The following PTPRD variants were observed in gnomAD, a reference collection of about 807,000 sequenced individuals.
PTPRD encodes receptor-type tyrosine-protein phosphatase delta.
Under a neutral mutation model 214.5 loss-of-function variants are expected in PTPRD, and 34 were observed. The observed-to-expected ratio is 0.16, with a 90% CI of 0.12 to 0.21. PTPRD has a LOEUF of 0.21. Ranked by LOEUF, PTPRD falls within the 10% of genes least tolerant of loss-of-function variation. The pLI is 1.00. For missense variants in PTPRD, 2,545 were observed against 2,398.7 expected, an observed-to-expected ratio of 1.06 and a Z score of -1.27; for synonymous variants, 1,128 against 845.7, an observed-to-expected ratio of 1.33 and a Z score of -5.79.
At chr9:9,001,297 A>C (rs2099417293) in intron 11 of PTPRD, among the ~76,000 whole-genome samples, 1 of 152,026 alleles carries the variant, frequency 6.6e-6, no homozygotes, top group Admixed American at 6.6e-5. Flanking sequence ...GGAGCCTTTG[A>C]GCTATCTGTG....
At chr9:8,842,285 C>T (rs908779653) in intron 11 of PTPRD, among the ~76,000 whole-genome samples, 7 of 151,980 alleles carry the variant, frequency 4.6e-5, no homozygotes, top group East Asian at 1.9e-4. Context: ...GGAGAAAGGG[C>T]GACTATGTTT....
intron 11 of PTPRD, among the ~76,000 whole-genome samples, chr9:8,999,872 G>A (rs566239163): frequency 1.3e-5 from 2 of 152,110 alleles, no homozygotes; most frequent in East Asian, 3.9e-4. Context: ...GGGATGGGGT[G>A]TTGACAGATA....
intron 7 of PTPRD, among the ~76,000 whole-genome samples, chr9:9,716,169 C>T (rs1352449348): frequency 6.6e-6 from 1 of 152,194 alleles, no homozygotes; most frequent in Non-Finnish European, 1.5e-5. Flanking sequence ...CAAGTCCCTA[C>T]AAAGGACATG....
intron 9 of PTPRD, among the ~76,000 whole-genome samples, chr9:9,318,017 C>A (rs1220911817): frequency 3.3e-5 from 5 of 151,704 alleles, no homozygotes; most frequent in African/African-American, 4.8e-5. Flanking sequence ...ACTAAAAATA[C>A]AAAATTAGCC....
chr9:9,768,266 G>T (rs960691962), intron 5 of PTPRD, among the ~76,000 whole-genome samples: 1 of 152,122 alleles, frequency 6.6e-6, no homozygotes, highest in Admixed American at 6.5e-5. Flanking sequence ...TGAAGCAGTT[G>T]TAAAGATTAA....
At chr9:9,665,229 C>A (rs2096697679) in intron 7 of PTPRD, among the ~76,000 whole-genome samples, 1 of 151,494 alleles carries the variant, frequency 6.6e-6, no homozygotes. Context: ...CGAATAAAAC[C>A]TTAGAATGGT....
intron 2 of PTPRD, among the ~76,000 whole-genome samples, chr9:10,517,433 C>T (rs1190148628): frequency 6.6e-6 from 1 of 151,914 alleles, no homozygotes; most frequent in Non-Finnish European, 1.5e-5. Flanking sequence ...TAAAATTTTA[C>T]TCAATTTGTT....
chr9:10,523,711 G>A (rs938810728), intron 2 of PTPRD, among the ~76,000 whole-genome samples: 50 of 147,964 alleles, frequency 3.4e-4, no homozygotes, highest in Admixed American at 4.1e-4. Flanking sequence ...GTTTACAGGT[G>A]AAATTTTACA....
intron 2 of PTPRD, among the ~76,000 whole-genome samples, chr9:10,595,435 C>G (rs1040454313): frequency 6.6e-5 from 10 of 151,500 alleles, no homozygotes; most frequent in Admixed American, 2.0e-4. Flanking sequence ...CTTCTTGGCT[C>G]TAAATTTCTG....
chr9:9,548,797 C>T (rs906215051), intron 8 of PTPRD, among the ~76,000 whole-genome samples: 3 of 151,930 alleles, frequency 2.0e-5, no homozygotes, highest in Non-Finnish European at 4.4e-5. Context: ...ATGAAATGGT[C>T]AATTCGGCAA....
At chr9:9,600,728 T>C (rs1342124420) in intron 7 of PTPRD, among the ~76,000 whole-genome samples, 2 of 152,112 alleles carry the variant, frequency 1.3e-5, no homozygotes, top group Non-Finnish European at 2.9e-5. Context: ...TGAATAACAA[T>C]TATAACAGAA....
At chr9:9,809,313 A>T (rs1746801) in intron 5 of PTPRD, among the ~76,000 whole-genome samples, 82,706 of 146,666 alleles carry the variant, frequency 0.56, 26,147 homozygotes, top group East Asian at 0.88. Context: ...TGTCTCCCAA[A>T]CTGGAGTGCA....
At chr9:10,249,370 C>A (rs1394289412) in intron 3 of PTPRD, among the ~76,000 whole-genome samples, 2 of 152,056 alleles carry the variant, frequency 1.3e-5, no homozygotes, top group Non-Finnish European at 2.9e-5. Flanking sequence ...TAGTTCTCAG[C>A]GTCTCTTCTT....
chr9:8,385,249 G>C (rs1306464209), intron 37 of PTPRD, among the ~76,000 whole-genome samples: 2 of 152,156 alleles, frequency 1.3e-5, no homozygotes, highest in African/African-American at 4.8e-5. Context: ...AGCCAGCCAG[G>C]CACGGGCTGG....
At chr9:10,189,213 G>T (rs183039972) in intron 3 of PTPRD, among the ~76,000 whole-genome samples, 2 of 152,206 alleles carry the variant, frequency 1.3e-5, no homozygotes, top group Admixed American at 1.3e-4. Flanking sequence ...TCCCATCTAG[G>T]AAAGGTCTGG....
At chr9:9,437,592 G>C (rs2085834996) in intron 8 of PTPRD, among the ~76,000 whole-genome samples, 1 of 152,132 alleles carries the variant, frequency 6.6e-6, no homozygotes, top group Non-Finnish European at 1.5e-5. Context: ...TTGGGAATTA[G>C]ACTATCACAC....
intron 10 of PTPRD, among the ~76,000 whole-genome samples, chr9:9,101,737 A>C (rs1199571602): frequency 6.6e-6 from 1 of 152,208 alleles, no homozygotes; most frequent in Non-Finnish European, 1.5e-5. Flanking sequence ...GTTATTCCCA[A>C]ATACCCATAT....
At chr9:9,838,826 C>G (rs2057543724) in intron 5 of PTPRD, among the ~76,000 whole-genome samples, 1 of 152,134 alleles carries the variant, frequency 6.6e-6, no homozygotes, top group African/African-American at 2.4e-5. Flanking sequence ...GTGTTTTAGA[C>G]ATGAAGTCCT....
intron 14 of PTPRD, among the ~76,000 whole-genome samples, chr9:8,606,139 T>C (rs917001949): frequency 6.6e-6 from 1 of 152,032 alleles, no homozygotes; most frequent in African/African-American, 2.4e-5. Context: ...CAGGAATTCC[T>C]TTGTGGAATG....
Sources: allele counts gnomAD v4.1 joint callset (sites outside exome capture counted in the v4.1 genomes callset), GRCh38; gene constraint gnomAD v4.1.1; transcripts MANE v1.5; gene names NCBI Gene and HGNC (gene_info 2026-07-23, HGNC 2026-07-21).